ANK1: variants seen among roughly 807,000 people sequenced by gnomAD.
ANK1 encodes ankyrin 1.
ANK1 carries 51 observed loss-of-function variants against 210.4 expected under a neutral mutation model. The ratio of observed to expected loss-of-function variants is 0.24; its 90% CI spans 0.19 to 0.31. The LOEUF (loss-of-function observed/expected upper bound fraction) is 0.31. Among genes scored for constraint, ANK1 ranks in the 10% least tolerant of loss-of-function variants. The probability of loss-of-function intolerance (pLI) is 1.00; values close to 1 mark genes in which losing one functional copy is unlikely to be tolerated. For synonymous variants in ANK1, 967 were observed against 1,025.9 expected (o/e 0.94, Z 1.10); for missense variants, 2,051 against 2,504.4 (o/e 0.82, Z 3.86).
Position 41,734,086 on chromosome 8 carries a change from G to C in ANK1, c.130-17C>G. The stretch of plus-strand genomic sequence containing the variant: ...CAACCCATTCTGTAAAGAGCAGAGA[G>C]GCGGGAAGGGCATGGTTAGTCAAAT... On this transcript the variant is annotated splice_polypyrimidine_tract_variant and intron_variant, in intron 2 of 42. Coordinates refer to ENST00000289734, the MANE Select transcript of ANK1 (RefSeq NM_000037.4). 1 of 1,604,964 alleles carries C rather than the reference G, an allele frequency of 6.2e-7. No homozygotes were observed. The highest frequency in any genetic ancestry group is 8.5e-7 in the Non-Finnish European group (1 of 1,171,846).
At chr8:41,767,765 G>A (rs777784207) in intron 1 of ANK1, among the ~76,000 whole-genome samples, 2 of 152,168 alleles carry the variant, frequency 1.3e-5, no homozygotes, top group African/African-American at 2.4e-5. Context: ...CACGTCCAGT[G>A]GAGGTGAGGA....
intron 1 of ANK1, among the ~76,000 whole-genome samples, chr8:41,851,204 G>A (rs1021507039): frequency 2.0e-5 from 3 of 152,230 alleles, no homozygotes; most frequent in African/African-American, 7.2e-5. Context: ...GGCACAGCAT[G>A]GACATCAGCT....
At chr8:41,870,153 G>A (rs760284079) in intron 1 of ANK1, among the ~76,000 whole-genome samples, 8 of 152,090 alleles carry the variant, frequency 5.3e-5, no homozygotes, top group South Asian at 2.1e-4. Context: ...TCTGTGCCCC[G>A]AATGAAATGA....
chr8:41,779,047 A>G (rs975402895), intron 1 of ANK1, among the ~76,000 whole-genome samples: 1 of 152,170 alleles, frequency 6.6e-6, no homozygotes, highest in Non-Finnish European at 1.5e-5. Context: ...GATGGTGTTC[A>G]GTCCCGGAGG....
intron 2 of ANK1, among the ~76,000 whole-genome samples, chr8:41,757,538 G>C (rs1839438850): frequency 6.6e-6 from 1 of 152,144 alleles, no homozygotes. Context: ...AGGAGCCCTG[G>C]AGAGCCAGCC....
chr8:41,750,765 G>A (rs1206987671), intron 2 of ANK1, among the ~76,000 whole-genome samples: 2 of 152,146 alleles, frequency 1.3e-5, no homozygotes, highest in African/African-American at 4.8e-5. Context: ...AAATGAGACA[G>A]GCAAAGAGGA....
At chr8:41,777,695 G>C (rs1844382187) in intron 1 of ANK1, among the ~76,000 whole-genome samples, 1 of 152,198 alleles carries the variant, frequency 6.6e-6, no homozygotes, top group Non-Finnish European at 1.5e-5. Context: ...AATTCGTGAA[G>C]TGAAGACCTC....
intron 1 of ANK1, among the ~76,000 whole-genome samples, chr8:41,885,644 C>G (rs988685274): frequency 6.6e-6 from 1 of 152,224 alleles, no homozygotes; most frequent in Non-Finnish European, 1.5e-5. Flanking sequence ...GAAGGGCCTT[C>G]CCTGCCCACT....
At chr8:41,892,756 C>A (rs1819697891) in intron 1 of ANK1, among the ~76,000 whole-genome samples, 2 of 152,184 alleles carry the variant, frequency 1.3e-5, no homozygotes, top group African/African-American at 4.8e-5. Context: ...GCAACCAAGA[C>A]AACATCTGGG....
intron 1 of ANK1, among the ~76,000 whole-genome samples, chr8:41,796,517 C>G (rs1848755784): frequency 2.0e-5 from 3 of 149,182 alleles, no homozygotes; most frequent in Admixed American, 2.0e-4. Context: ...GTGGGAGGCC[C>G]AAGCTTCCTC....
chr8:41,803,808 G>A (rs951780859), intron 1 of ANK1, among the ~76,000 whole-genome samples: 1 of 151,804 alleles, frequency 6.6e-6, no homozygotes, highest in African/African-American at 2.4e-5. Flanking sequence ...TTTTGTGAAG[G>A]TGGTACATTG....
At chr8:41,896,310 T>G in intron 1 of ANK1, 2 of 1,573,598 alleles carry the variant, frequency 1.3e-6, no homozygotes, top group Non-Finnish European at 8.6e-7. Context: ...AGCAGCCACT[T>G]GCAGGTGCCG....
At chr8:41,771,275 T>C (rs1015573146) in intron 1 of ANK1, among the ~76,000 whole-genome samples, 3 of 152,206 alleles carry the variant, frequency 2.0e-5, no homozygotes, top group African/African-American at 7.2e-5. Context: ...CCTCAACATT[T>C]GATCTGGCAT....
chr8:41,761,455 G>T (rs1482168848), intron 1 of ANK1, among the ~76,000 whole-genome samples: 2 of 152,210 alleles, frequency 1.3e-5, no homozygotes, highest in African/African-American at 2.4e-5. Context: ...AGAGACTGGA[G>T]TGACTTTAGC....
At position 41,695,301 on chromosome 8, in the gene ANK1, G is replaced by C. The variant is rs1302650721; in HGVS notation, c.2991C>G (p.Ala997=). Residue 997 remains alanine, a synonymous_variant, in exon 27 of 43, where the codon GCC becomes GCG. Coordinates refer to ENST00000289734, the MANE Select transcript of ANK1 (RefSeq NM_000037.4). ...GCTCGCGGTCTCCACGGCCATGGGA[G>C]GCAAAGTGCGGGATCTCCACGATTA... ...SPVIVEIPHF[A]SHGRGDRELV... 6.2e-7 allele frequency: 1 copy of C among 1,613,922 alleles called. No individual in the cohort carries two copies. Among genetic ancestry groups the C allele is most frequent in the African/African-American group, 1.3e-5 (1 of 74,910 alleles).
intron 1 of ANK1, among the ~76,000 whole-genome samples, chr8:41,882,329 C>T (rs1395897641): frequency 1.3e-5 from 2 of 152,092 alleles, no homozygotes; most frequent in Non-Finnish European, 2.9e-5. Flanking sequence ...TTCATCGCCC[C>T]GTACATGCAG....
rs1812752180 is a variant in ANK1 at position 41,672,574 on chromosome 8, CTG to C, written c.4874_4875del (p.Thr1625SerfsTer14). 2.1e-5 allele frequency: 34 copies of C among 1,614,144 alleles called. No homozygotes were observed. The highest frequency in any genetic ancestry group is 2.5e-5 in the Non-Finnish European group (30 of 1,180,058). ...LGSLELVEDD[T>X]VDSDATNGLI... ...AGGCCATTTGTGGCATCTGAATCCA[CTG>C]TGTCGTCCTCCACAAGTTCCAGAGA... On this transcript the variant is annotated frameshift_variant, in exon 38 of 43. Coordinates refer to ENST00000289734, the MANE Select transcript of ANK1 (RefSeq NM_000037.4). LOFTEE classifies it high-confidence loss of function.
chr8:41,892,912 G>A (rs949565126), intron 1 of ANK1, among the ~76,000 whole-genome samples: 4 of 152,140 alleles, frequency 2.6e-5, no homozygotes, highest in Admixed American at 6.5e-5. Flanking sequence ...ACCATCAGAC[G>A]ATGAAGTAGG....
rs530951946 is a variant in ANK1 at position 41,779,036 on chromosome 8, C to T, written c.27+18476G>A. Among the ~76,000 whole-genome samples, 12 of 152,154 alleles carry T rather than the reference C, an allele frequency of 7.9e-5. No individual in the cohort carries two copies. In the South Asian group the frequency reaches 1.0e-3, roughly 13 times the overall value. On this transcript the variant is annotated intron_variant, in intron 1 of 42. Coordinates refer to ENST00000289734, the MANE Select transcript of ANK1 (RefSeq NM_000037.4). ...GGAGAGGGCTGTGGGGTGCAGTACC[C>T]GATGGTGTTCAGTCCCGGAGGCCTT...
Sources: gnomAD v4.1 joint callset for allele counts (sites outside exome capture counted in the v4.1 genomes callset) on GRCh38, gnomAD v4.1.1 for gene constraint, MANE v1.5 for transcripts, NCBI Gene and HGNC (gene_info 2026-07-23, HGNC 2026-07-21) for gene names.